VPS37B: variants seen among roughly 807,000 people sequenced by gnomAD.
VPS37B encodes the protein VPS37B subunit of ESCRT-I, also known as vacuolar protein sorting-associated protein 37B.
Under a neutral mutation model 21.2 loss-of-function variants are expected in VPS37B, and 11 were observed. The ratio of observed to expected loss-of-function variants is 0.52; its 90% CI spans 0.33 to 0.86. The LOEUF (loss-of-function observed/expected upper bound fraction) is 0.86, where lower values mean the gene tolerates loss of function less well. Among genes scored for constraint, VPS37B ranks in the 40% least tolerant of loss-of-function variants. The probability of loss-of-function intolerance (pLI) is 0.03; values close to 1 mark genes in which losing one functional copy is unlikely to be tolerated. For synonymous variants in VPS37B, 175 were observed against 159.6 expected (o/e 1.10, Z -0.73); for missense variants, 389 against 374.8 (o/e 1.04, Z -0.31).
intron 1 of VPS37B, chr12:122,883,917 A>G (rs183667269): frequency 6.6e-6 from 1 of 152,404 alleles, no homozygotes; most frequent in Non-Finnish European, 1.5e-5. Flanking sequence ...ATGTTATAAA[A>G]TGTCCTAACT....
chr12:122,888,603 C>G lies in VPS37B; in HGVS notation c.111+7349G>C, dbSNP rs578261631. The G allele has an allele frequency of 1.6e-4, 72 of 456,076 alleles. No individual in the cohort carries two copies. In the Middle Eastern group the frequency reaches 1.6e-3, roughly 10 times the overall value. 28.3% of individuals were successfully genotyped at this position (456,076 alleles called of 1,614,324 possible). Reference sequence around the variant, plus strand: ...GCAACAAGGCCGGCATTCCTCAGCTCAAGAACACAACCACTCTGCATACGA... The same window carrying G: ...GCAACAAGGCCGGCATTCCTCAGCTGAAGAACACAACCACTCTGCATACGA... On this transcript the variant is annotated intron_variant, in intron 1 of 3. Coordinates refer to ENST00000267202, the MANE Select transcript of VPS37B (RefSeq NM_024667.3).
At chr12:122,877,989 G>C (rs989719793) in intron 1 of VPS37B, 7 of 152,214 alleles carry the variant, frequency 4.6e-5, no homozygotes, top group Non-Finnish European at 8.8e-5. Context: ...AATGGAGACA[G>C]AAAAGTGAAC....
chr12:122,895,238 T>C (rs931688035), intron 1 of VPS37B, among the ~76,000 whole-genome samples: 2 of 151,920 alleles, frequency 1.3e-5, no homozygotes, highest in African/African-American at 4.8e-5. Context: ...AACCACCTCA[T>C]AGACTCAGCT....
chr12:122,896,036 C>T lies in VPS37B; in HGVS notation c.27G>A (p.Arg9=), dbSNP rs774685957. The change falls in exon 1 of 4, where the codon CGG becomes CGA. Residue 9 remains arginine (R), a synonymous_variant. Coordinates refer to ENST00000267202, the MANE Select transcript of VPS37B (RefSeq NM_024667.3). The part of the protein sequence containing the change: MAGAGSEA[R]FAGLSLVQLN... ...GCTGCACCAGCGACAGCCCGGCGAA[C>T]CGGGCTTCGCTCCCGGCGCCCGCCA... The T allele has an allele frequency of 2.5e-6, 4 of 1,588,410 alleles. No homozygotes were observed. The South Asian group carries it at 4.5e-5, about 18-fold the overall frequency.
At chr12:122,891,892 C>A (rs1453002026) in intron 1 of VPS37B, among the ~76,000 whole-genome samples, 1 of 152,248 alleles carries the variant, frequency 6.6e-6, no homozygotes, top group African/African-American at 2.4e-5. Flanking sequence ...AGACCCTCAG[C>A]ATTTTTGCAT....
At chr12:122,870,818 G>T (rs2135698710) in intron 2 of VPS37B, 72 bp downstream of exon 2, 3 of 1,504,712 alleles carry the variant, frequency 2.0e-6, no homozygotes, top group Non-Finnish European at 2.7e-6. Flanking sequence ...TTCTTTCCTG[G>T]TAGGGCAATA....
chr12:122,873,802 C>A (rs895571728), intron 1 of VPS37B: 2 of 152,146 alleles, frequency 1.3e-5, no homozygotes, highest in Non-Finnish European at 2.9e-5. Context: ...ACTGTCTGTC[C>A]CAACACTAAA....
rs554719270 is a variant in VPS37B at position 122,869,832 on chromosome 12, T to C, written c.283+1058A>G. Among the ~76,000 whole-genome samples the C allele has an allele frequency of 7.2e-5, 11 of 152,170 alleles. No homozygotes were observed. The East Asian group carries it at 1.9e-3, about 27-fold the overall frequency. On this transcript the variant is annotated intron_variant, in intron 2 of 3. Transcript: ENST00000267202. Reference sequence around the variant, plus strand: ...ATCATGGCTCACTGCAGCTTCAATCTCCAAGGCTCAAGCAATCCTCCTTCC... The same window carrying C: ...ATCATGGCTCACTGCAGCTTCAATCCCCAAGGCTCAAGCAATCCTCCTTCC...
At chr12:122,888,699 T>C (rs1038940092) in intron 1 of VPS37B, 14 of 403,234 alleles carry the variant, frequency 3.5e-5, no homozygotes, top group East Asian at 8.1e-5. Context: ...AACAGGATGT[T>C]AGGTCATCCA....
intron 1 of VPS37B, among the ~76,000 whole-genome samples, chr12:122,892,267 GACAC>G (rs1351669894): frequency 1.3e-5 from 2 of 152,192 alleles, no homozygotes; most frequent in Non-Finnish European, 2.9e-5. Flanking sequence ...GAGAGAAACT[GACAC>G]ACAGGCCCAG....
chr12:122,893,574 C>T (rs1240396370), intron 1 of VPS37B, among the ~76,000 whole-genome samples: 1 of 152,140 alleles, frequency 6.6e-6, no homozygotes, highest in Non-Finnish European at 1.5e-5. Context: ...CCAAAAATTT[C>T]GGTTCACATT....
chr12:122,885,954 A>T (rs1254078533), intron 1 of VPS37B: 2 of 151,980 alleles, frequency 1.3e-5, no homozygotes, highest in Non-Finnish European at 2.9e-5. Context: ...AAGTGCTGGG[A>T]TTACAGGCGT....
rs2033936083 is a variant in VPS37B at position 122,867,719 on chromosome 12, C to T, written c.367-112G>A. 1 of 1,418,530 alleles carries T rather than the reference C, an allele frequency of 7.0e-7. No homozygotes were observed. The highest frequency in any genetic ancestry group is 1.4e-5 in the African/African-American group (1 of 70,784). The allele number at this position is 1,418,530 out of a possible 1,614,324, so 87.9% of individuals were successfully genotyped here. On this transcript the variant is annotated intron_variant, in intron 3 of 3. Coordinates refer to ENST00000267202, the MANE Select transcript of VPS37B (RefSeq NM_024667.3). The surrounding 1 kb of genome is among the most constrained non-coding windows in gnomAD (Gnocchi z 5.5). ...CAGCTGCTTCCAACACTGCCCCCTC[C>T]CTGTAACCACCCAGAGGGCCTCGCT...
At chr12:122,887,873 T>G (rs2034351944) in intron 1 of VPS37B, 1 of 152,290 alleles carries the variant, frequency 6.6e-6, no homozygotes, top group South Asian at 2.1e-4. Context: ...AGACCACTTT[T>G]GTTTTTTTTC....
intron 1 of VPS37B, chr12:122,872,503 T>C (rs1017386568): frequency 3.0e-6 from 3 of 985,338 alleles, no homozygotes; most frequent in East Asian, 1.1e-4. Context: ...TCTCTTCTGA[T>C]GCCTTTAGCA....
rs962766250 is a variant in VPS37B at position 122,868,914 on chromosome 12, C to A, written c.284-352G>T. Among the ~76,000 whole-genome samples the A allele has an allele frequency of 1.3e-5, 2 of 152,182 alleles. No individual in the cohort carries two copies. The highest frequency in any genetic ancestry group is 4.8e-5 in the African/African-American group (2 of 41,450). On this transcript the variant is annotated intron_variant, in intron 2 of 3. Coordinates refer to ENST00000267202, the MANE Select transcript of VPS37B (RefSeq NM_024667.3). This position sits in a 1 kb window ranked among gnomAD's most constrained non-coding sequence, Gnocchi z 5.5. ...ACGTGTTTAACCGCCAACCACCACC[C>A]CCCAGATCCAGACACAGAACCTTTC... is the stretch of plus-strand genomic sequence containing the variant.
rs188100979 is a variant in VPS37B, at chr12:122,871,518, G to A, written c.112-457C>T. The A allele has an allele frequency of 7.2e-5, 71 of 986,766 alleles. No individual in the cohort carries two copies. The African/African-American group carries it at 1.1e-3, about 16-fold the overall frequency. The allele number at this position is 986,766 out of a possible 1,614,324, so 61.1% of individuals were successfully genotyped here. ...ATGTCAATTCAGGCTTCATAAGCAG[G>A]CTAAGAGGTCCAACCAGCAAGCTGA... On this transcript the variant is annotated intron_variant, in intron 1 of 3. Coordinates refer to ENST00000267202, the MANE Select transcript of VPS37B (RefSeq NM_024667.3).
At chr12:122,877,157 A>G (rs2034165427) in intron 1 of VPS37B, 1 of 152,224 alleles carries the variant, frequency 6.6e-6, no homozygotes, top group Non-Finnish European at 1.5e-5. Context: ...TACTTACAAC[A>G]ACTAAGTAAG....
intron 1 of VPS37B, among the ~76,000 whole-genome samples, chr12:122,891,809 C>A (rs897290761): frequency 1.3e-5 from 2 of 152,224 alleles, no homozygotes; most frequent in Admixed American, 6.5e-5. Context: ...ACAAATCACA[C>A]CCGAACACGC....
Sources: gnomAD v4.1 joint callset for allele counts (sites outside exome capture counted in the v4.1 genomes callset) on GRCh38, gnomAD v4.1.1 for gene constraint, Gnocchi (gnomAD v3.1) non-coding constraint, MANE v1.5 for transcripts, NCBI Gene and HGNC (gene_info 2026-07-23, HGNC 2026-07-21) for gene names.